PLD3: variants seen among roughly 807,000 people sequenced by gnomAD.
PLD3 encodes 5'-3' exonuclease PLD3.
Under a neutral mutation model 58.4 loss-of-function variants are expected in PLD3, and 31 were observed. That is an observed-to-expected ratio of 0.53 (90% CI 0.40 to 0.72). PLD3 has a LOEUF of 0.72. PLD3 is among the 30% of genes least tolerant of loss of function. The pLI is 0.00. For synonymous variants in PLD3, 264 were observed against 273.4 expected (o/e 0.97, Z 0.34); for missense variants, 595 against 659.8 (o/e 0.90, Z 1.08).
At chr19:40,363,826 G>A (rs933405239) in intron 1 of PLD3, among the ~76,000 whole-genome samples, 3 of 152,146 alleles carry the variant, frequency 2.0e-5, no homozygotes, top group African/African-American at 2.4e-5. Flanking sequence ...TCTGACATTG[G>A]TAGGGAGGAG....
In PLD3 at chr19:40,376,704, C is replaced by T; in HGVS notation, c.1115C>T (p.Pro372Leu). 1 of 1,604,104 alleles carries T rather than the reference C, an allele frequency of 6.2e-7. No homozygotes were observed. The highest frequency in any genetic ancestry group is 2.2e-5 in the East Asian group (1 of 44,884). Residue 372 changes from proline (P) to leucine (L), a missense_variant, in exon 11 of 13, where the codon CCA (proline) becomes CTA (leucine). Coordinates refer to ENST00000409735, the MANE Select transcript of PLD3 (RefSeq NM_012268.4). ...LLISCWGHSE[P>L]SMRAFLLSLA... ...ATCAGCTGCTGGGGACACTCGGAGCCATCCATGCGGGCCTTCCTGCTCTCT... is the reference window on the plus strand; with the variant it reads ...ATCAGCTGCTGGGGACACTCGGAGCTATCCATGCGGGCCTTCCTGCTCTCT...
intron 10 of PLD3, 70 bp downstream of exon 10, chr19:40,374,690 C>A: frequency 6.4e-7 from 1 of 1,569,202 alleles, no homozygotes; most frequent in Non-Finnish European, 8.7e-7. Flanking sequence ...TCATGGAGAC[C>A]AGAAAGCTGG....
chr19:40,362,542 TCTC>T (rs1416880285), intron 1 of PLD3, among the ~76,000 whole-genome samples: 7 of 152,148 alleles, frequency 4.6e-5, no homozygotes, highest in East Asian at 1.9e-4. Context: ...TTCAAGCAAT[TCTC>T]CTGCCTCAGC....
intron 10 of PLD3, 68 bp downstream of exon 10, chr19:40,374,688 A>G: frequency 1.9e-6 from 3 of 1,572,456 alleles, no homozygotes; most frequent in South Asian, 1.1e-5. Context: ...AATCATGGAG[A>G]CCAGAAAGCT....
In PLD3 at chr19:40,374,495, CCT is replaced by C. The variant is rs1193635479; in HGVS notation, c.895_896del (p.Leu299ValfsTer47). 1.1e-5 allele frequency: 17 copies of C among 1,613,980 alleles called. No individual in the cohort carries two copies. Among genetic ancestry groups the C allele is most frequent in the Admixed American group, 1.7e-5 (1 of 59,996 alleles). On this transcript the variant is annotated frameshift_variant, in exon 10 of 13. Transcript: ENST00000409735. LOFTEE classifies it high-confidence loss of function. ...CTCGCCCTCAGAGTGCGCCCCCACC[CCT>C]GTGTCCAAGTGGCCGCACTCCAGAC... ...LAYLASAPPP[L>X]CPSGRTPDLK... is the part of the protein sequence containing the mutation.
intron 9 of PLD3, among the ~76,000 whole-genome samples, chr19:40,372,464 T>C (rs2079089503): frequency 1.3e-5 from 2 of 150,194 alleles, no homozygotes; most frequent in Admixed American, 1.3e-4. Flanking sequence ...ACCACTGTAC[T>C]CCAGCCTGGG....
chr19:40,370,709 CT>C, intron 8 of PLD3: 1 of 154,634 alleles, frequency 6.5e-6, no homozygotes. Flanking sequence ...CTCTACTGCC[CT>C]CCCCCTGCTC....
rs1347605560 is a variant in PLD3 at position 40,366,808 on chromosome 19, G to A, written c.138G>A (p.Ala46=). ...GGGTCCTGCTGGTCCTCATTCTGGC[G>A]GTTGTGGGCTTCGGAGCCCTGATGA... ...ARWVLLVLIL[A]VVGFGALMTQ... Residue 46 remains alanine, a synonymous_variant, in exon 5 of 13, where the codon GCG becomes GCA. Coordinates refer to ENST00000409735, the MANE Select transcript of PLD3 (RefSeq NM_012268.4). 12 of 1,613,810 alleles carry A rather than the reference G, an allele frequency of 7.4e-6. No homozygotes were observed. The highest frequency in any genetic ancestry group is 1.0e-5 in the Non-Finnish European group (12 of 1,179,916).
Position 40,371,872 on chromosome 19 carries a change from C to T in PLD3, c.878C>T (p.Ala293Val), listed in dbSNP as rs368737000. ...LNGTPALAYL[A>V]SAPPPLCPSG... ...GGAACCCCTGCTCTGGCCTACCTGGCGGTGAGTCTGGGGCAAGTGGGGCCT... is the reference window on the plus strand; with the variant it reads ...GGAACCCCTGCTCTGGCCTACCTGGTGGTGAGTCTGGGGCAAGTGGGGCCT... Residue 293 changes from alanine (A) to valine (V), a missense_variant and splice_region_variant, in exon 9 of 13, where the codon GCG (alanine) becomes GTG (valine). Physicochemically the swap from Ala to Val is moderately conservative, Grantham distance 64. Coordinates refer to ENST00000409735, the MANE Select transcript of PLD3 (RefSeq NM_012268.4). 1.5e-5 allele frequency: 25 copies of T among 1,613,056 alleles called. No homozygotes were observed. Among genetic ancestry groups the T allele is most frequent in the African/African-American group, 9.3e-5 (7 of 74,910 alleles).
In PLD3 at chr19:40,366,466, C is replaced by T. The variant is rs761299929; in HGVS notation, c.-18C>T. 8 of 1,613,564 alleles carry T rather than the reference C, an allele frequency of 5.0e-6. No homozygotes were observed. The East Asian group carries it at 1.8e-4, about 36-fold the overall frequency. ...CCTTCTCACCTGGGCTCTGCGTATC[C>T]CCCAGCCTTGAGGGAAGATGAAGCC... On this transcript the variant is annotated 5_prime_UTR_variant, in exon 3 of 13. Coordinates refer to ENST00000409735, the MANE Select transcript of PLD3 (RefSeq NM_012268.4).
At chr19:40,361,976 A>T (rs2078797552) in intron 1 of PLD3, among the ~76,000 whole-genome samples, 3 of 151,884 alleles carry the variant, frequency 2.0e-5, no homozygotes, top group Admixed American at 2.0e-4. Flanking sequence ...AGCTGAGATT[A>T]CAGGCGCCCT....
intron 1 of PLD3, 31 bp downstream of exon 1, chr19:40,348,799 G>T (rs2078396620): frequency 6.5e-6 from 2 of 306,872 alleles, no homozygotes; most frequent in Admixed American, 5.1e-5. Context: ...GCGGCGCCTC[G>T]GCTACCCTCC....
intron 10 of PLD3, chr19:40,376,363 AAAAG>A (rs112703240): frequency 1.3e-5 from 5 of 382,050 alleles, no homozygotes; most frequent in African/African-American, 8.3e-5. Context: ...CTCAAAAAAA[AAAAG>A]AAAGAATAAA....
chr19:40,371,128 T>G (rs1478628188), intron 8 of PLD3, among the ~76,000 whole-genome samples: 1 of 152,212 alleles, frequency 6.6e-6, no homozygotes, highest in Admixed American at 6.5e-5. Context: ...AGGAAACAGC[T>G]TGGGCAATGA....
intron 8 of PLD3, 32 bp from the exon 9 acceptor site, chr19:40,371,636 GGCCGC>G: frequency 2.0e-6 from 3 of 1,464,588 alleles, no homozygotes; most frequent in Middle Eastern, 1.8e-4. Flanking sequence ...GTGAGCACTA[GGCCGC>G]TATCGCTGAG....
chr19:40,366,920 G>GC lies in PLD3; in HGVS notation c.245+5_245+6insC. ...CCCCTGCTATGACCCTTGCGAGTAA[G>GC]TGGGGGGTGCTGCAGTTGGTGGGGG... On this transcript the variant is annotated splice_donor_region_variant and intron_variant, in intron 5 of 12. Transcript: ENST00000409735. 6.3e-7 allele frequency: 1 copy of GC among 1,593,822 alleles called. No individual in the cohort carries two copies.
At chr19:40,363,633 A>G (rs1266545523) in intron 1 of PLD3, among the ~76,000 whole-genome samples, 4 of 151,940 alleles carry the variant, frequency 2.6e-5, no homozygotes, top group African/African-American at 9.7e-5. Flanking sequence ...GTTTCACCAC[A>G]TTGGCCAGGC....
chr19:40,350,273 A>AC (rs1179767928), intron 1 of PLD3, among the ~76,000 whole-genome samples: 1 of 151,748 alleles, frequency 6.6e-6, no homozygotes, highest in African/African-American at 2.4e-5. Context: ...AAAAAAAAAA[A>AC]AAAAAAAAAA....
rs777601430 is a variant in PLD3 at position 40,366,533 on chromosome 19, C to A, written c.27+23C>A. 3.2e-5 allele frequency: 52 copies of A among 1,609,810 alleles called. No individual in the cohort carries two copies. The South Asian group carries it at 5.3e-4, about 16-fold the overall frequency. The stretch of plus-strand genomic sequence containing the variant: ...GAGGTAGGTGGATTGGGGGGCTCAG[C>A]AGGGTGGAACTGGGTACAGTGGGGG... On this transcript the variant is annotated intron_variant, in intron 3 of 12. Transcript: ENST00000409735.
Sources: gnomAD v4.1 joint callset for allele counts (sites outside exome capture counted in the v4.1 genomes callset) on GRCh38, gnomAD v4.1.1 for gene constraint, MANE v1.5 for transcripts, NCBI Gene and HGNC (gene_info 2026-07-23, HGNC 2026-07-21) for gene names.